ZSCAN5A: variants seen among roughly 807,000 people sequenced by gnomAD.
ZSCAN5A encodes zinc finger and SCAN domain-containing protein 5A.
Under a neutral mutation model 23.7 loss-of-function variants are expected in ZSCAN5A, and 12 were observed. That is an observed-to-expected ratio of 0.51 (90% CI 0.32 to 0.82). The LOEUF (loss-of-function observed/expected upper bound fraction) is 0.82. Ranked by LOEUF, ZSCAN5A falls within the 40% of genes least tolerant of loss-of-function variation. The pLI, the probability that ZSCAN5A is intolerant of heterozygous loss-of-function variation, is 0.03. For missense variants in ZSCAN5A, 597 were observed against 617.9 expected (o/e 0.97, Z 0.36); for synonymous variants, 257 against 239.9 (o/e 1.07, Z -0.66).
intron 1 of ZSCAN5A, chr19:56,366,072 C>G (rs1201806176): frequency 6.6e-6 from 1 of 152,162 alleles, no homozygotes; most frequent in Non-Finnish European, 1.5e-5. Flanking sequence ...TCCAAATGAC[C>G]TGGAAGAAGG....
intron 2 of ZSCAN5A, among the ~76,000 whole-genome samples, chr19:56,309,534 G>A (rs529918733): frequency 1.9e-4 from 29 of 152,328 alleles, no homozygotes; most frequent in African/African-American, 9.6e-5. Flanking sequence ...TTGGCCCTGC[G>A]GAACACAGTT....
At chr19:56,331,265 G>T (rs1193935678) in intron 2 of ZSCAN5A, among the ~76,000 whole-genome samples, 3 of 152,072 alleles carry the variant, frequency 2.0e-5, no homozygotes, top group South Asian at 4.1e-4. Context: ...GTTTAGAATT[G>T]CTTTGACAAT....
chr19:56,244,606 AG>A (rs2035713794), intron 2 of ZSCAN5A, among the ~76,000 whole-genome samples: 1 of 146,966 alleles, frequency 6.8e-6, no homozygotes, highest in South Asian at 2.1e-4. Flanking sequence ...CACAAGGGGG[AG>A]GACAGGAGAC....
At chr19:56,320,027 G>T (rs2041358433) in intron 2 of ZSCAN5A, 1 of 831,846 alleles carries the variant, frequency 1.2e-6, no homozygotes, top group Admixed American at 1.7e-5. Flanking sequence ...ATCAACAATG[G>T]TAATAAAGCC....
chr19:56,299,266 G>A (rs1221521240), intron 2 of ZSCAN5A, among the ~76,000 whole-genome samples: 1 of 151,614 alleles, frequency 6.6e-6, no homozygotes, highest in African/African-American at 2.4e-5. Context: ...TGAGTAGCTG[G>A]GACCACAGGC....
intron 2 of ZSCAN5A, chr19:56,343,152 T>A (rs1053868523): frequency 1.4e-6 from 1 of 728,336 alleles, no homozygotes; most frequent in African/African-American, 1.8e-5. Context: ...TGGTCCTTTA[T>A]TTCATCTCTA....
At chr19:56,321,878 G>C in intron 2 of ZSCAN5A, 1 of 804,892 alleles carries the variant, frequency 1.2e-6, no homozygotes, top group Non-Finnish European at 2.3e-6. Context: ...TGGCAGGTTG[G>C]CACGCTCATC....
At chr19:56,367,427 C>T (rs1208140287) in intron 1 of ZSCAN5A, 1 of 152,154 alleles carries the variant, frequency 6.6e-6, no homozygotes, top group Non-Finnish European at 1.5e-5. Context: ...AAACTGGCCT[C>T]CTCACAAATG....
At chr19:56,223,225 T>C (rs916236864) in intron 4 of ZSCAN5A, among the ~76,000 whole-genome samples, 1 of 152,152 alleles carries the variant, frequency 6.6e-6, no homozygotes, top group Non-Finnish European at 1.5e-5. Flanking sequence ...TGGCCATGTG[T>C]CCGGAAAGGC....
intron 2 of ZSCAN5A, among the ~76,000 whole-genome samples, chr19:56,334,696 A>G (rs1443139960): frequency 6.6e-6 from 1 of 152,194 alleles, no homozygotes; most frequent in African/African-American, 2.4e-5. Flanking sequence ...GTACTGGAAA[A>G]TCTGAGATGA....
In ZSCAN5A at chr19:56,279,992, A is replaced by G. The variant is rs1329860840; in HGVS notation, c.-128+33291T>C. Among the ~76,000 whole-genome samples, 3 of 152,208 alleles carry G rather than the reference A, an allele frequency of 2.0e-5. No individual in the cohort carries two copies. The East Asian group carries it at 5.8e-4, about 29-fold the overall frequency. ...TAAAATAAGATTTCCAGGGTTCAGA[A>G]TTAAAGAAGTTCTCAAGGTTATACT... is the stretch of plus-strand genomic sequence containing the variant. On this transcript the variant is annotated intron_variant, in intron 2 of 5. Transcript: ENST00000683990.
intron 2 of ZSCAN5A, among the ~76,000 whole-genome samples, chr19:56,240,878 T>C (rs1600062213): frequency 1.3e-5 from 2 of 152,046 alleles, no homozygotes; most frequent in Admixed American, 6.5e-5. Context: ...CCCGGCTACA[T>C]TTTATTTTTT....
intron 2 of ZSCAN5A, among the ~76,000 whole-genome samples, chr19:56,325,972 G>T (rs1019044472): frequency 2.3e-4 from 35 of 150,304 alleles, no homozygotes; most frequent in Admixed American, 1.2e-3. Context: ...TTGCTCTGTT[G>T]CCCAGGCTGG....
intron 2 of ZSCAN5A, chr19:56,321,016 G>T (rs958143518): frequency 1.4e-5 from 10 of 702,902 alleles, no homozygotes; most frequent in African/African-American, 8.7e-5. Flanking sequence ...CTTTCCACCT[G>T]CTGTAGTAAT....
At chr19:56,255,462 C>T (rs1000055361) in intron 2 of ZSCAN5A, among the ~76,000 whole-genome samples, 2 of 152,118 alleles carry the variant, frequency 1.3e-5, no homozygotes, top group Non-Finnish European at 2.9e-5. Flanking sequence ...AAAACCCAAC[C>T]TGCCTCAGTG....
chr19:56,341,976 T>C (rs773910886), intron 2 of ZSCAN5A, among the ~76,000 whole-genome samples: 5 of 152,070 alleles, frequency 3.3e-5, no homozygotes, highest in Admixed American at 2.0e-4. Flanking sequence ...AAATAAAATA[T>C]CTTATAATTT....
At chr19:56,328,976 C>T (rs192808758) in intron 2 of ZSCAN5A, among the ~76,000 whole-genome samples, 1,395 of 138,636 alleles carry the variant, frequency 0.01, 26 homozygotes, top group African/African-American at 0.035. Context: ...GCCTGGGCGA[C>T]AGAGCGAGAC....
chr19:56,307,193 C>A (rs1374054189), intron 2 of ZSCAN5A, among the ~76,000 whole-genome samples: 2 of 151,848 alleles, frequency 1.3e-5, no homozygotes, highest in Non-Finnish European at 2.9e-5. Flanking sequence ...TTGATAGCTA[C>A]AAAGAGGCTC....
chr19:56,320,655 G>A (rs1197076487), intron 2 of ZSCAN5A: 3 of 760,722 alleles, frequency 3.9e-6, no homozygotes, highest in African/African-American at 3.4e-5. Flanking sequence ...CGAGTACAAC[G>A]TGAAATCATA....
Sources: gnomAD v4.1 joint callset for allele counts (sites outside exome capture counted in the v4.1 genomes callset) on GRCh38, gnomAD v4.1.1 for gene constraint, MANE v1.5 for transcripts, NCBI Gene and HGNC (gene_info 2026-07-23, HGNC 2026-07-21) for gene names.